Variants in ABCC4 observed in about 807,000 individuals in gnomAD.
The protein encoded by ABCC4 is ATP-binding cassette sub-family C member 4.
In ABCC4, 102 loss-of-function variants were observed where a neutral mutation model predicts 168.5. That is an observed-to-expected ratio of 0.61 (90% CI 0.52 to 0.71). The LOEUF is 0.71. Among genes scored for constraint, ABCC4 ranks in the 30% least tolerant of loss-of-function variants. ABCC4 has a pLI of 0.00. For missense variants in ABCC4, 1,402 were observed against 1,605.8 expected, an observed-to-expected ratio of 0.87 and a Z score of 2.17; for synonymous variants, 617 against 590.7, an observed-to-expected ratio of 1.04 and a Z score of -0.65.
At chr13:95,257,706 A>G (rs927600779) in intron 1 of ABCC4, among the ~76,000 whole-genome samples, 3 of 152,074 alleles carry the variant, frequency 2.0e-5, no homozygotes, top group African/African-American at 4.8e-5. Flanking sequence ...AAATCTGCAC[A>G]TAAGTGGACT....
intron 3 of ABCC4, among the ~76,000 whole-genome samples, 179 bp downstream of exon 3, chr13:95,246,796 A>G (rs2040117348): frequency 6.6e-6 from 1 of 152,182 alleles, no homozygotes; most frequent in African/African-American, 2.4e-5. Flanking sequence ...AAATACGCTC[A>G]CTGAACTAAC....
chr13:95,218,737 G>C (rs1283162824), intron 4 of ABCC4, among the ~76,000 whole-genome samples: 2 of 151,932 alleles, frequency 1.3e-5, no homozygotes, highest in East Asian at 3.9e-4. Context: ...TGTAGTCCCA[G>C]CTACTCAGGA....
At chr13:95,238,526 G>A (rs977107935) in intron 3 of ABCC4, among the ~76,000 whole-genome samples, 2 of 152,154 alleles carry the variant, frequency 1.3e-5, no homozygotes, top group Non-Finnish European at 2.9e-5. Context: ...TGCACTCTCT[G>A]TGTCTGAGTC....
At chr13:95,278,852 C>A (rs2041041295) in intron 1 of ABCC4, among the ~76,000 whole-genome samples, 1 of 137,496 alleles carries the variant, frequency 7.3e-6, no homozygotes. Flanking sequence ...GACAACAACT[C>A]AATGAACTCA....
At chr13:95,089,468 T>C (rs956673885) in intron 20 of ABCC4, among the ~76,000 whole-genome samples, 3 of 151,840 alleles carry the variant, frequency 2.0e-5, no homozygotes, top group Non-Finnish European at 2.9e-5. Flanking sequence ...AAATACAAAA[T>C]TTAGCTAGGC....
At chr13:95,051,548 T>A (rs1189985212) in intron 27 of ABCC4, among the ~76,000 whole-genome samples, 4 of 152,176 alleles carry the variant, frequency 2.6e-5, no homozygotes, top group Non-Finnish European at 5.9e-5. Flanking sequence ...CTTTTTTTTT[T>A]TTTATTTTTA....
At chr13:95,154,694 T>C (rs1214062235) in intron 19 of ABCC4, among the ~76,000 whole-genome samples, 1 of 152,208 alleles carries the variant, frequency 6.6e-6, no homozygotes, top group African/African-American at 2.4e-5. Flanking sequence ...ATTTCTTGTT[T>C]AAACATGCTA....
intron 25 of ABCC4, among the ~76,000 whole-genome samples, chr13:95,064,297 T>TACACAC (rs1260159679): frequency 1.0e-3 from 106 of 105,122 alleles, no homozygotes; most frequent in Admixed American, 2.2e-3. Context: ...TATATATATA[T>TACACAC]ACACACACAC....
At chr13:95,047,497 T>TTTTTTTTTA (rs2032635192) in intron 27 of ABCC4, among the ~76,000 whole-genome samples, 2 of 145,964 alleles carry the variant, frequency 1.4e-5, no homozygotes, top group Non-Finnish European at 1.5e-5. Flanking sequence ...TTTTTTTTTT[T>TTTTTTTTTA]GAGGTGGATT....
At chr13:95,144,080 C>T (rs568263912) in intron 19 of ABCC4, among the ~76,000 whole-genome samples, 2 of 152,192 alleles carry the variant, frequency 1.3e-5, no homozygotes, top group African/African-American at 2.4e-5. Context: ...GACAGATAAA[C>T]GCATCCATTA....
chr13:95,133,078 C>T (rs1225910991), intron 19 of ABCC4, among the ~76,000 whole-genome samples: 3 of 146,492 alleles, frequency 2.0e-5, no homozygotes, highest in Admixed American at 1.4e-4. Flanking sequence ...GCAAATCTTA[C>T]GTTAGGTGCA....
intron 20 of ABCC4, chr13:95,096,217 C>G: frequency 1.6e-6 from 1 of 621,994 alleles, no homozygotes; most frequent in Non-Finnish European, 2.8e-6. Flanking sequence ...AATGGGCTGG[C>G]AGCAGATTGG....
At chr13:95,043,542 T>G (rs1000466283) in intron 29 of ABCC4, 140 bp downstream of exon 29, 10 of 588,754 alleles carry the variant, frequency 1.7e-5, no homozygotes, top group African/African-American at 1.5e-4. Context: ...GTTAAGCATA[T>G]GAATTACTGC....
intron 23 of ABCC4, chr13:95,073,533 G>A (rs1481331364): frequency 8.5e-6 from 3 of 351,266 alleles, no homozygotes; most frequent in African/African-American, 2.1e-5. Flanking sequence ...CAACAGGATC[G>A]ACATAGATTT....
intron 25 of ABCC4, among the ~76,000 whole-genome samples, chr13:95,067,962 G>T (rs550590753): frequency 1.3e-5 from 2 of 152,272 alleles, no homozygotes; most frequent in East Asian, 3.9e-4. Context: ...GGCTAGGGTG[G>T]TATATACCTC....
intron 26 of ABCC4, among the ~76,000 whole-genome samples, chr13:95,061,125 G>A (rs1052222446): frequency 3.3e-5 from 5 of 152,202 alleles, no homozygotes; most frequent in Non-Finnish European, 7.3e-5. Flanking sequence ...GATAGACCAC[G>A]TTTTATTCAT....
At chr13:95,247,419 G>C (rs527922384) in intron 2 of ABCC4, among the ~76,000 whole-genome samples, 1 of 152,122 alleles carries the variant, frequency 6.6e-6, no homozygotes, top group African/African-American at 2.4e-5. Context: ...CAGGCATCTC[G>C]GGCCTTTGGT....
At chr13:95,108,825 T>C (rs1313721508) in intron 20 of ABCC4, among the ~76,000 whole-genome samples, 8 of 151,954 alleles carry the variant, frequency 5.3e-5, no homozygotes, top group South Asian at 4.2e-4. Flanking sequence ...TGCCACTTTG[T>C]TCCCTTCTGG....
At chr13:95,205,134 TG>T (rs1328410815) in intron 8 of ABCC4, among the ~76,000 whole-genome samples, 2 of 152,186 alleles carry the variant, frequency 1.3e-5, no homozygotes. Context: ...TCAGAAAGAA[TG>T]GGGATAAGAA....
Sources: gnomAD v4.1 joint callset for allele counts (sites outside exome capture counted in the v4.1 genomes callset) on GRCh38, gnomAD v4.1.1 for gene constraint, MANE v1.5 for transcripts, NCBI Gene and HGNC (gene_info 2026-07-23, HGNC 2026-07-21) for gene names.